KPNA5: variants seen among roughly 807,000 people sequenced by gnomAD.
KPNA5 encodes importin subunit alpha-6.
A neutral mutation model predicts 71.3 loss-of-function variants in KPNA5; 46 were observed. That is an observed-to-expected ratio of 0.65 (90% CI 0.51 to 0.83). The LOEUF (loss-of-function observed/expected upper bound fraction) is 0.83. Among genes scored for constraint, KPNA5 ranks in the 40% least tolerant of loss-of-function variants. KPNA5 has a pLI of 0.00. For synonymous variants in KPNA5, 207 were observed against 201.4 expected, an observed-to-expected ratio of 1.03 and a Z score of -0.24; for missense variants, 547 against 628.3, an observed-to-expected ratio of 0.87 and a Z score of 1.38.
Position 116,732,393 on chromosome 6 carries a change from A to G in KPNA5, c.*70A>G. 1 of 851,520 alleles carries G rather than the reference A, an allele frequency of 1.2e-6. No homozygotes were observed. The highest frequency in any genetic ancestry group is 1.7e-6 in the Non-Finnish European group (1 of 590,744). 52.7% of individuals were successfully genotyped at this position (851,520 alleles called of 1,614,324 possible). On this transcript the variant is annotated 3_prime_UTR_variant, in exon 14 of 14. Coordinates refer to ENST00000368564, the MANE Select transcript of KPNA5 (RefSeq NM_001366306.2). The stretch of plus-strand genomic sequence containing the variant: ...GGTAACTCCTCTTTGTTGCCAATGT[A>G]AGAATGTTTGTTTTTTTACATAGAA...
At chr6:116,702,598 G>A (rs1176186298) in intron 6 of KPNA5, among the ~76,000 whole-genome samples, 1 of 152,146 alleles carries the variant, frequency 6.6e-6, no homozygotes, top group Non-Finnish European at 1.5e-5. Context: ...GAGCCTGGGA[G>A]GCAGAGGTTG....
intron 8 of KPNA5, among the ~76,000 whole-genome samples, chr6:116,721,086 G>A (rs111990288): frequency 0.017 from 2,547 of 152,004 alleles, 76 homozygotes; most frequent in African/African-American, 0.058. Flanking sequence ...GACAGGCCCA[G>A]CAGAGATGGT....
chr6:116,714,014 G>A (rs1438302990), intron 7 of KPNA5, among the ~76,000 whole-genome samples: 1 of 152,020 alleles, frequency 6.6e-6, no homozygotes, highest in Non-Finnish European at 1.5e-5. Context: ...TAAAATCTTT[G>A]CATAGTAAAT....
At chr6:116,710,970 C>T (rs1432434105) in intron 7 of KPNA5, among the ~76,000 whole-genome samples, 7 of 145,298 alleles carry the variant, frequency 4.8e-5, no homozygotes, top group South Asian at 4.4e-4. Context: ...TCTCGACTCA[C>T]GGCACACTCT....
intron 1 of KPNA5, among the ~76,000 whole-genome samples, chr6:116,684,471 G>T (rs1467047668): frequency 6.6e-6 from 1 of 152,080 alleles, no homozygotes; most frequent in Non-Finnish European, 1.5e-5. Flanking sequence ...TTTTCTGGAT[G>T]AATCAATGAA....
At position 116,681,250 on chromosome 6, in the gene KPNA5, G is replaced by A. The variant is rs1777340362; in HGVS notation, c.-85G>A. 2 of 1,579,662 alleles carry A rather than the reference G, an allele frequency of 1.3e-6. No individual in the cohort carries two copies. The highest frequency in any genetic ancestry group is 1.7e-4 in the Middle Eastern group (1 of 5,938). On this transcript the variant is annotated 5_prime_UTR_variant, in exon 1 of 14. Coordinates refer to ENST00000368564, the MANE Select transcript of KPNA5 (RefSeq NM_001366306.2). ...ACTGGGTCGCTACGCTTCACGCCAGGGGCGGAGTGGCGGCCCTTCTGTTAC... is the reference window on the plus strand; with the variant it reads ...ACTGGGTCGCTACGCTTCACGCCAGAGGCGGAGTGGCGGCCCTTCTGTTAC...
rs1205879378 is a variant in KPNA5 at position 116,737,563 on chromosome 6, A to G, written c.*5240A>G. The G allele has an allele frequency of 6.6e-6, 1 of 151,960 alleles. No homozygotes were observed. Among genetic ancestry groups the G allele is most frequent in the Non-Finnish European group, 1.5e-5 (1 of 67,954 alleles). The allele number at this position is 151,960 out of a possible 1,614,324, so 9.4% of individuals were successfully genotyped here. ...TTCCCTTCCTTGCCCTGCAATCGTG[A>G]AACTCTAGGCAGTAAGAGACAGAGC... On this transcript the variant is annotated 3_prime_UTR_variant, in exon 14 of 14. Transcript: ENST00000368564.
intron 12 of KPNA5, among the ~76,000 whole-genome samples, chr6:116,727,513 A>G (rs565379935): frequency 1.3e-5 from 2 of 152,208 alleles, no homozygotes; most frequent in African/African-American, 4.8e-5. Flanking sequence ...AAATACTTGG[A>G]AAGATATGCA....
intron 7 of KPNA5, among the ~76,000 whole-genome samples, chr6:116,709,033 C>T (rs538976094): frequency 6.6e-6 from 1 of 151,642 alleles, no homozygotes; most frequent in African/African-American, 2.4e-5. Flanking sequence ...TGATACATCC[C>T]CCCTTGACCT....
At chr6:116,691,893 G>T (rs1218353392) in intron 2 of KPNA5, among the ~76,000 whole-genome samples, 162 bp from the exon 3 acceptor site, 1 of 152,134 alleles carries the variant, frequency 6.6e-6, no homozygotes, top group Non-Finnish European at 1.5e-5. Context: ...AAATACCTTA[G>T]ATCTTCCTAG....
Position 116,738,014 on chromosome 6 carries a change from C to A in KPNA5, c.*5691C>A, listed in dbSNP as rs1267169052. On this transcript the variant is annotated 3_prime_UTR_variant, in exon 14 of 14. Transcript: ENST00000368564. Reference sequence around the variant, plus strand: ...AAAAATTTACCTTGAAGTACCATTTCAGCTGCATTCCACAAGTTATTCAGC... The same window carrying A: ...AAAAATTTACCTTGAAGTACCATTTAAGCTGCATTCCACAAGTTATTCAGC... The A allele has an allele frequency of 6.6e-6, 1 of 151,936 alleles. No individual in the cohort carries two copies. The highest frequency in any genetic ancestry group is 6.6e-5 in the Admixed American group (1 of 15,178). The allele number at this position is 151,936 out of a possible 1,614,324, so 9.4% of individuals were successfully genotyped here.
In KPNA5 at chr6:116,736,645, T is replaced by C. The variant is rs905310315; in HGVS notation, c.*4322T>C. On this transcript the variant is annotated 3_prime_UTR_variant, in exon 14 of 14. Coordinates refer to ENST00000368564, the MANE Select transcript of KPNA5 (RefSeq NM_001366306.2). ...TCCTAGGATCCATGGATTTATAGTT[T>C]TCATCAAATTTGAAAACACAGCAAT... The C allele has an allele frequency of 1.3e-4, 19 of 151,978 alleles. 1 individual carries two copies. Among genetic ancestry groups the C allele is most frequent in the Admixed American group, 1.2e-3 (19 of 15,204 alleles). The allele number at this position is 151,978 out of a possible 1,614,324, so 9.4% of individuals were successfully genotyped here. A position where few individuals can be genotyped will look rare whatever the true frequency, so the allele number is the denominator to read the frequency against.
chr6:116,729,535 G>T (rs530405959), intron 12 of KPNA5, 28 bp from the exon 13 acceptor site: 2 of 1,364,954 alleles, frequency 1.5e-6, no homozygotes, highest in African/African-American at 1.5e-5. Context: ...TTTTTTCCCT[G>T]TTTCTTCTCT....
Position 116,681,261 on chromosome 6 carries a change from C to A in KPNA5, c.-74C>A, listed in dbSNP as rs549811731. On this transcript the variant is annotated 5_prime_UTR_variant, in exon 1 of 14. Coordinates refer to ENST00000368564, the MANE Select transcript of KPNA5 (RefSeq NM_001366306.2). ...ACGCTTCACGCCAGGGGCGGAGTGG[C>A]GGCCCTTCTGTTACCCGCCACACAC... The A allele has an allele frequency of 1.3e-6, 2 of 1,593,932 alleles. No individual in the cohort carries two copies. Among genetic ancestry groups the A allele is most frequent in the East Asian group, 4.5e-5 (2 of 44,046 alleles).
intron 10 of KPNA5, among the ~76,000 whole-genome samples, chr6:116,724,963 T>G (rs1162433806): frequency 6.6e-6 from 1 of 152,198 alleles, no homozygotes; most frequent in African/African-American, 2.4e-5. Context: ...CGTTAGATTC[T>G]CCTTTGTTTA....
rs1779737946 is a variant in KPNA5, at chr6:116,738,139, A to G, written c.*5816A>G. 6.6e-6 allele frequency: 1 copy of G among 152,168 alleles called. No individual in the cohort carries two copies. Among genetic ancestry groups the G allele is most frequent in the Admixed American group, 6.6e-5 (1 of 15,248 alleles). 9.4% of individuals were successfully genotyped at this position (152,168 alleles called of 1,614,324 possible). On this transcript the variant is annotated 3_prime_UTR_variant, in exon 14 of 14. Transcript: ENST00000368564. ...AAAGAAGAAAAGAGAGAAGAATCAAATAGACGCAATAAAAAATGATAAAGG... is the reference window on the plus strand; with the variant it reads ...AAAGAAGAAAAGAGAGAAGAATCAAGTAGACGCAATAAAAAATGATAAAGG...
chr6:116,731,481 A>T (rs1779478938), intron 13 of KPNA5, among the ~76,000 whole-genome samples: 1 of 152,100 alleles, frequency 6.6e-6, no homozygotes, highest in South Asian at 2.1e-4. Context: ...TTTATCTGTA[A>T]TTAAATGAAA....
chr6:116,698,815 C>G lies in KPNA5; in HGVS notation c.435+17C>G. The G allele has an allele frequency of 7.1e-7, 1 of 1,408,698 alleles. No homozygotes were observed. The highest frequency in any genetic ancestry group is 9.7e-7 in the Non-Finnish European group (1 of 1,028,322). 87.3% of individuals were successfully genotyped at this position (1,408,698 alleles called of 1,614,324 possible). A position where few individuals can be genotyped will look rare whatever the true frequency, so the allele number is the denominator to read the frequency against. On this transcript the variant is annotated intron_variant, in intron 5 of 13. Coordinates refer to ENST00000368564, the MANE Select transcript of KPNA5 (RefSeq NM_001366306.2). ...ACTTTACAAGTGAGTCTAAAGTTTTCTTTCTTAATTTTTCTCTAGAAATGA... is the reference window on the plus strand; with the variant it reads ...ACTTTACAAGTGAGTCTAAAGTTTTGTTTCTTAATTTTTCTCTAGAAATGA...
At chr6:116,686,961 TATG>T (rs769020236) in intron 1 of KPNA5, among the ~76,000 whole-genome samples, 5 of 152,218 alleles carry the variant, frequency 3.3e-5, no homozygotes, top group Non-Finnish European at 5.9e-5. Flanking sequence ...AGTCAGGTAA[TATG>T]ATGCCTCCAA....
Sources: allele counts gnomAD v4.1 joint callset (sites outside exome capture counted in the v4.1 genomes callset), GRCh38; gene constraint gnomAD v4.1.1; transcripts MANE v1.5; gene names NCBI Gene and HGNC (gene_info 2026-07-23, HGNC 2026-07-21).